The following KCNG2 variants were observed in gnomAD, a reference collection of about 807,000 sequenced individuals.
KCNG2 encodes voltage-gated potassium channel regulatory subunit KCNG2.
Under a neutral mutation model 12.3 loss-of-function variants are expected in KCNG2, and 7 were observed. That is an observed-to-expected ratio of 0.57 (90% CI 0.32 to 1.07). The LOEUF (loss-of-function observed/expected upper bound fraction) is 1.07. Ranked by LOEUF, KCNG2 falls within the 50% of genes least tolerant of loss-of-function variation. The pLI is 0.04. For missense variants in KCNG2, 703 were observed against 726.0 expected, an observed-to-expected ratio of 0.97 and a Z score of 0.36; for synonymous variants, 414 against 351.4, an observed-to-expected ratio of 1.18 and a Z score of -1.99.
intron 3 of KCNG2, among the ~76,000 whole-genome samples, chr18:79,866,876 TGCTGAGAGGTCCGTGTGCTGAGAG>T (rs1979600718): frequency 2.8e-5 from 3 of 108,594 alleles, no homozygotes; most frequent in Admixed American, 2.1e-4. Flanking sequence ...GAGGTCTGTG[TGCTGAGAGGTCCGTGTGCTGAGAG>T]GTCTGTTTTC....
intron 1 of KCNG2, among the ~76,000 whole-genome samples, chr18:79,798,938 C>A (rs940347844): frequency 6.6e-6 from 1 of 152,214 alleles, no homozygotes; most frequent in Non-Finnish European, 1.5e-5. Context: ...CGCCCGCGCG[C>A]CTGGCTCCCG....
At chr18:79,857,197 G>T (rs1042967169) in intron 2 of KCNG2, among the ~76,000 whole-genome samples, 2 of 135,500 alleles carry the variant, frequency 1.5e-5, no homozygotes, top group East Asian at 4.5e-4. Flanking sequence ...CATGTTCACT[G>T]AGTGAACCTT....
chr18:79,804,880 C>T (rs2087436945), intron 1 of KCNG2, among the ~76,000 whole-genome samples: 1 of 152,198 alleles, frequency 6.6e-6, no homozygotes, highest in African/African-American at 2.4e-5. Flanking sequence ...CGTAAGATTG[C>T]AACTGTCCAG....
chr18:79,811,268 G>GA (rs1428366501), intron 1 of KCNG2, among the ~76,000 whole-genome samples: 1 of 152,116 alleles, frequency 6.6e-6, no homozygotes, highest in African/African-American at 2.4e-5. Flanking sequence ...CAAAGTAAGT[G>GA]AAAAAAATCT....
In KCNG2 at chr18:79,889,804, C is replaced by T. The variant is rs201898501; in HGVS notation, c.625-9236C>T. 9.8e-4 allele frequency among the ~76,000 whole-genome samples: 150 copies of T among 152,350 alleles called. 2 individuals carry two copies. Among genetic ancestry groups the T allele is most frequent in the African/African-American group, 2.6e-3 (110 of 41,580 alleles). On this transcript the variant is annotated intron_variant, in intron 3 of 3. Transcript: ENST00000316249. ...TGGAAGTGACGAGAACAGACGTTAG[C>T]GTCTCGTTCCTGAACGGAGGGAGCA...
intron 1 of KCNG2, among the ~76,000 whole-genome samples, chr18:79,841,573 A>G (rs1316725200): frequency 6.6e-6 from 1 of 152,236 alleles, no homozygotes; most frequent in African/African-American, 2.4e-5. Flanking sequence ...ATAACAATCC[A>G]AATAGAAAAT....
rs1979359909 is a variant in KCNG2 at position 79,864,221 on chromosome 18, C to T, written c.554C>T (p.Ser185Phe). 5 of 1,551,616 alleles carry T rather than the reference C, an allele frequency of 3.2e-6. No homozygotes were observed. The highest frequency in any genetic ancestry group is 4.3e-6 in the Non-Finnish European group (5 of 1,153,046). The part of the protein sequence containing the change: ...AGKLFACVSV[S>F]FVAVTAVGLC... The stretch of plus-strand genomic sequence containing the variant: ...AAGCTCTTCGCCTGCGTGTCCGTGT[C>T]CTTCGTGGCCGTCACGGCCGTGGGC... The change falls in exon 3 of 4, where the codon TCC (serine) becomes TTC (phenylalanine). Residue 185 changes from serine to phenylalanine, a missense_variant. Ser to Phe is a radical substitution (Grantham distance 155, BLOSUM62 -2). Coordinates refer to ENST00000316249, the MANE Select transcript of KCNG2 (RefSeq NM_012283.2).
intron 1 of KCNG2, among the ~76,000 whole-genome samples, chr18:79,813,110 G>A (rs586275): frequency 0.19 from 28,858 of 152,176 alleles, 2,949 homozygotes; most frequent in Middle Eastern, 0.26. Flanking sequence ...AGCCGAGATC[G>A]CGCCATTGGA....
At chr18:79,848,430 C>T (rs2123045234) in intron 1 of KCNG2, among the ~76,000 whole-genome samples, 1 of 152,334 alleles carries the variant, frequency 6.6e-6, no homozygotes, top group East Asian at 1.9e-4. Context: ...GCAGCACCGG[C>T]CATCGTCAGC....
intron 1 of KCNG2, among the ~76,000 whole-genome samples, chr18:79,838,850 A>G (rs2123035096): frequency 6.6e-6 from 1 of 152,372 alleles, no homozygotes; most frequent in African/African-American, 2.4e-5. Context: ...ACCTCAATGT[A>G]CAATCTCAGG....
At position 79,863,699 on chromosome 18, in the gene KCNG2, G is replaced by T; in HGVS notation, c.32G>T (p.Gly11Val). 1 of 1,206,498 alleles carries T rather than the reference G, an allele frequency of 8.3e-7. No individual in the cohort carries two copies. Among genetic ancestry groups the T allele is most frequent in the East Asian group, 3.5e-5 (1 of 28,920 alleles). The allele number at this position is 1,206,498 out of a possible 1,614,324, so 74.7% of individuals were successfully genotyped here. Residue 11 changes from glycine (G) to valine (V), a missense_variant, in exon 3 of 4, where the codon GGC becomes GTC. Transcript: ENST00000316249. MEPWPCSPGGGGGTRARHVII... is the reference protein window; with the variant it reads MEPWPCSPGGVGGTRARHVII... The stretch of plus-strand genomic sequence containing the variant: ...CCATGGCCCTGCTCCCCGGGCGGCG[G>T]CGGCGGGACCCGCGCCCGGCACGTC...
At position 79,800,375 on chromosome 18, in the gene KCNG2, TG is replaced by T. The variant is rs1349939017; in HGVS notation, c.-115+2365del. 5.9e-5 allele frequency among the ~76,000 whole-genome samples: 9 copies of T among 152,088 alleles called. No individual in the cohort carries two copies. Among genetic ancestry groups the T allele is most frequent in the African/African-American group, 2.2e-4 (9 of 41,392 alleles). On this transcript the variant is annotated intron_variant, in intron 1 of 3. Transcript: ENST00000316249. The surrounding 1 kb of genome is among the most constrained non-coding windows in gnomAD (Gnocchi z 4.0). Reference sequence around the variant, plus strand: ...TTCTTGGTGGTAAGGAAAGGAGCCATGGGGCCCTTGCTGCCAGTGAGGTCGC... The same window carrying T: ...TTCTTGGTGGTAAGGAAAGGAGCCATGGGCCCTTGCTGCCAGTGAGGTCGC...
At chr18:79,863,024 G>A (rs1979280143) in intron 2 of KCNG2, among the ~76,000 whole-genome samples, 1 of 152,200 alleles carries the variant, frequency 6.6e-6, no homozygotes, top group Non-Finnish European at 1.5e-5. Context: ...GCAAGCTTTT[G>A]GTTAGTTTCC....
chr18:79,838,418 T>C (rs1340533466), intron 1 of KCNG2, among the ~76,000 whole-genome samples: 1 of 152,040 alleles, frequency 6.6e-6, no homozygotes, highest in African/African-American at 2.4e-5. Flanking sequence ...CAAGTCTTTT[T>C]TTTTTTTTTT....
rs574125785 is a variant in KCNG2 at position 79,858,157 on chromosome 18, C to T, written c.-41+1705C>T. On this transcript the variant is annotated intron_variant, in intron 2 of 3. Transcript: ENST00000316249. ...CTGGGACTACAGGCGCCCGCCACTG[C>T]ACCCAGCTAAGTTTTGTATTTTTTG... Among the ~76,000 whole-genome samples the T allele has an allele frequency of 3.3e-5, 5 of 152,240 alleles. No homozygotes were observed. The South Asian group carries it at 8.3e-4, about 25-fold the overall frequency.
At chr18:79,862,105 A>G (rs1281566186) in intron 2 of KCNG2, among the ~76,000 whole-genome samples, 1 of 152,134 alleles carries the variant, frequency 6.6e-6, no homozygotes, top group Non-Finnish European at 1.5e-5. Flanking sequence ...GGTGAGTCCA[A>G]TATCTGTGTT....
chr18:79,864,129 G>A lies in KCNG2; in HGVS notation c.462G>A (p.Gly154=). ...CGGCGCGCGCCCTGGGACCTCGGGG[G>A]CGGCTGCAGCGCGGCCGGCGGCGCC... is the stretch of plus-strand genomic sequence containing the variant. ...GSPARALGPR[G]RLQRGRRRLR... The change falls in exon 3 of 4, where the codon GGG becomes GGA. Residue 154 remains glycine, a synonymous_variant. Coordinates refer to ENST00000316249, the MANE Select transcript of KCNG2 (RefSeq NM_012283.2). 2.3e-6 allele frequency: 3 copies of A among 1,292,580 alleles called. No individual in the cohort carries two copies. Among genetic ancestry groups the A allele is most frequent in the African/African-American group, 1.6e-5 (1 of 62,720 alleles). The allele number at this position is 1,292,580 out of a possible 1,614,324, so 80.1% of individuals were successfully genotyped here. A position where few individuals can be genotyped will look rare whatever the true frequency, so the allele number is the denominator to read the frequency against.
At chr18:79,871,734 G>A (rs1599415330) in intron 3 of KCNG2, among the ~76,000 whole-genome samples, 1 of 152,330 alleles carries the variant, frequency 6.6e-6, no homozygotes, top group African/African-American at 2.4e-5. Flanking sequence ...CTCTGCGTCC[G>A]TCTGCGTCCC....
chr18:79,897,790 T>C (rs1030942157), intron 3 of KCNG2, among the ~76,000 whole-genome samples: 1 of 151,394 alleles, frequency 6.6e-6, no homozygotes, highest in Admixed American at 6.6e-5. Context: ...GTGCCCCTCT[T>C]CCTCCCCAGC....
Sources: allele counts gnomAD v4.1 joint callset (sites outside exome capture counted in the v4.1 genomes callset), GRCh38; gene constraint gnomAD v4.1.1; non-coding constraint Gnocchi (gnomAD v3.1); transcripts MANE v1.5; gene names NCBI Gene and HGNC (gene_info 2026-07-23, HGNC 2026-07-21).